Variants in PGM2L1 observed in about 807,000 individuals in gnomAD.
The protein encoded by PGM2L1 is glucose 1,6-bisphosphate synthase.
A neutral mutation model predicts 73.4 loss-of-function variants in PGM2L1; 35 were observed. The observed-to-expected ratio is 0.48, with a 90% confidence interval of 0.36 to 0.63. The LOEUF is 0.63. PGM2L1 is among the 30% of genes least tolerant of loss of function. The probability of loss-of-function intolerance (pLI) is 0.00; values close to 1 mark genes in which losing one functional copy is unlikely to be tolerated. For synonymous variants in PGM2L1, 225 were observed against 253.8 expected, an observed-to-expected ratio of 0.89 and a Z score of 1.08; for missense variants, 570 against 742.0, an observed-to-expected ratio of 0.77 and a Z score of 2.69.
In PGM2L1 at chr11:74,398,279, G is replaced by A. The variant is rs1863213583; in HGVS notation, c.-118C>T. 2.2e-6 allele frequency: 3 copies of A among 1,384,176 alleles called. No individual in the cohort carries two copies. Among genetic ancestry groups the A allele is most frequent in the Non-Finnish European group, 2.8e-6 (3 of 1,060,276 alleles). 85.7% of individuals were successfully genotyped at this position (1,384,176 alleles called of 1,614,324 possible). On this transcript the variant is annotated 5_prime_UTR_variant, in exon 1 of 14. Coordinates refer to ENST00000298198, the MANE Select transcript of PGM2L1 (RefSeq NM_173582.6). ...CCCCACCTCACTGAAGGGCATCGGA[G>A]ACCAACCGCAGGGTGTTCGTAACAG...
At chr11:74,338,349 C>CA in intron 13 of PGM2L1, 119 bp downstream of exon 13, 1 of 943,520 alleles carries the variant, frequency 1.1e-6, no homozygotes, top group Non-Finnish European at 1.4e-6. Flanking sequence ...GATGGATGCA[C>CA]AACTTTGAAC....
intron 5 of PGM2L1, among the ~76,000 whole-genome samples, chr11:74,366,635 G>C (rs1398452257): frequency 6.6e-6 from 1 of 151,900 alleles, no homozygotes; most frequent in African/African-American, 2.4e-5. Context: ...ATTTGGGGAA[G>C]AGCAATCCAA....
chr11:74,352,046 T>G (rs1158319291), intron 5 of PGM2L1, among the ~76,000 whole-genome samples: 1 of 151,972 alleles, frequency 6.6e-6, no homozygotes, highest in African/African-American at 2.4e-5. Context: ...GAGGACTAAT[T>G]TAATAAATAT....
chr11:74,383,824 A>AATAAATAAATAAATATATATATAT (rs61026077), intron 1 of PGM2L1, among the ~76,000 whole-genome samples: 1 of 121,832 alleles, frequency 8.2e-6, no homozygotes, highest in African/African-American at 3.5e-5. Context: ...TATATAAATA[A>AATAAATAAATAAATATATATATAT]ATATATATAT....
Position 74,374,725 on chromosome 11 carries a change from A to G in PGM2L1, c.112-143T>C, listed in dbSNP as rs552210333. On this transcript the variant is annotated intron_variant, in intron 1 of 13. Transcript: ENST00000298198. ...AGTGCTACTTCTTTGTATGTATAATAAAATAATACCTGCCATTCACTGAGT... is the reference window on the plus strand; with the variant it reads ...AGTGCTACTTCTTTGTATGTATAATGAAATAATACCTGCCATTCACTGAGT... The G allele has an allele frequency of 1.5e-5, 10 of 651,630 alleles. No individual in the cohort carries two copies. The South Asian group carries it at 2.8e-4, about 19-fold the overall frequency. 40.4% of individuals were successfully genotyped at this position (651,630 alleles called of 1,614,324 possible).
At chr11:74,341,268 C>T (rs1862177526) in intron 12 of PGM2L1, among the ~76,000 whole-genome samples, 1 of 152,170 alleles carries the variant, frequency 6.6e-6, no homozygotes, top group South Asian at 2.1e-4. Flanking sequence ...TAAGGAAACT[C>T]ACAGGCCTGA....
chr11:74,397,700 A>T (rs1226397850), intron 1 of PGM2L1: 2 of 185,178 alleles, frequency 1.1e-5, no homozygotes, highest in East Asian at 2.5e-4. Flanking sequence ...AGGGAGAAAA[A>T]GGGAAAGGAA....
chr11:74,382,159 C>A (rs1357472667), intron 1 of PGM2L1, among the ~76,000 whole-genome samples: 1 of 152,160 alleles, frequency 6.6e-6, no homozygotes, highest in Non-Finnish European at 1.5e-5. Flanking sequence ...TAGTAAAAAA[C>A]CACTCTAAAC....
chr11:74,398,240 C>A lies in PGM2L1; in HGVS notation c.-79G>T, dbSNP rs1863212777. 2 of 1,519,334 alleles carry A rather than the reference C, an allele frequency of 1.3e-6. No homozygotes were observed. Among genetic ancestry groups the A allele is most frequent in the African/African-American group, 2.7e-5 (2 of 72,914 alleles). 94.1% of individuals were successfully genotyped at this position (1,519,334 alleles called of 1,614,324 possible). On this transcript the variant is annotated 5_prime_UTR_variant, in exon 1 of 14. Transcript: ENST00000298198. ...GGGGGGTGGCTTGGGGTTCGCTCAC[C>A]AGGGTCCAGGCGTCCCCACCTCACT...
In PGM2L1 at chr11:74,342,508, G is replaced by C. The variant is rs371880752; in HGVS notation, c.1585C>G (p.Arg529Gly). The part of the protein sequence containing the change: ...FCGTFAILHV[R>G]DVTTGYDSSQ... ...CTGTCATATCCAGTGGTAACGTCCC[G>C]TACATGCAATATAGCAAATGTTCCA... The change falls in exon 12 of 14, where the codon CGG (arginine) becomes GGG (glycine). Residue 529 changes from arginine to glycine, a missense_variant. Coordinates refer to ENST00000298198, the MANE Select transcript of PGM2L1 (RefSeq NM_173582.6). 1.2e-6 allele frequency: 2 copies of C among 1,602,694 alleles called. No individual in the cohort carries two copies. Among genetic ancestry groups the C allele is most frequent in the East Asian group, 4.5e-5 (2 of 44,532 alleles).
At chr11:74,347,422 A>G (rs1340810528) in intron 6 of PGM2L1, 85 bp from the exon 7 acceptor site, 2 of 1,069,700 alleles carry the variant, frequency 1.9e-6, no homozygotes, top group Non-Finnish European at 2.6e-6. Flanking sequence ...CTGATTTGAA[A>G]ATGTGATTAA....
At chr11:74,377,936 A>G (rs1278390409) in intron 1 of PGM2L1, among the ~76,000 whole-genome samples, 1 of 151,898 alleles carries the variant, frequency 6.6e-6, no homozygotes, top group East Asian at 1.9e-4. Flanking sequence ...TGGGGGTAGA[A>G]GCCTAGTCAG....
chr11:74,348,209 C>T (rs117199639), intron 6 of PGM2L1, among the ~76,000 whole-genome samples: 1,660 of 152,226 alleles, frequency 0.011, 13 homozygotes, highest in Admixed American at 0.017. Flanking sequence ...TCTCTCTCGC[C>T]GGCATCATTT....
intron 1 of PGM2L1, among the ~76,000 whole-genome samples, chr11:74,382,468 G>T (rs1291414612): frequency 6.6e-6 from 1 of 152,106 alleles, no homozygotes; most frequent in African/African-American, 2.4e-5. Flanking sequence ...AGGCAGGTTA[G>T]CTTCCACTGC....
chr11:74,383,518 G>A (rs1862976772), intron 1 of PGM2L1, among the ~76,000 whole-genome samples: 2 of 151,980 alleles, frequency 1.3e-5, no homozygotes, highest in East Asian at 3.9e-4. Flanking sequence ...TGTGTGCCAT[G>A]GTGGTCTGCT....
At chr11:74,380,379 A>G (rs1401255865) in intron 1 of PGM2L1, among the ~76,000 whole-genome samples, 1 of 152,098 alleles carries the variant, frequency 6.6e-6, no homozygotes, top group Non-Finnish European at 1.5e-5. Context: ...TCCTATTTAA[A>G]TAATTTTTGT....
At chr11:74,341,089 C>G (rs1591164774) in intron 12 of PGM2L1, among the ~76,000 whole-genome samples, 1 of 152,182 alleles carries the variant, frequency 6.6e-6, no homozygotes, top group South Asian at 2.1e-4. Flanking sequence ...GCATCCTTGC[C>G]CATTTTCTCT....
At chr11:74,340,231 G>T (rs1238995774) in intron 12 of PGM2L1, among the ~76,000 whole-genome samples, 1 of 152,178 alleles carries the variant, frequency 6.6e-6, no homozygotes, top group Non-Finnish European at 1.5e-5. Context: ...CAAACTTGTT[G>T]TAAGAACCAG....
At position 74,333,992 on chromosome 11, in the gene PGM2L1, A is replaced by C. The variant is rs1862053883; in HGVS notation, c.*2660T>G. The C allele has an allele frequency of 6.6e-6, 1 of 152,228 alleles. No homozygotes were observed. The highest frequency in any genetic ancestry group is 2.4e-5 in the African/African-American group (1 of 41,462). 9.4% of individuals were successfully genotyped at this position (152,228 alleles called of 1,614,324 possible). A position where few individuals can be genotyped will look rare whatever the true frequency, so the allele number is the denominator to read the frequency against. ...CCTGACCAGCTTGGGCTATCACTGA[A>C]TTTATCCTGTTAGGCAAATGTGCAC... On this transcript the variant is annotated 3_prime_UTR_variant, in exon 14 of 14. Transcript: ENST00000298198.
Sources: allele counts gnomAD v4.1 joint callset (sites outside exome capture counted in the v4.1 genomes callset), GRCh38; gene constraint gnomAD v4.1.1; transcripts MANE v1.5; gene names NCBI Gene and HGNC (gene_info 2026-07-23, HGNC 2026-07-21).